Variants in FAM13A observed in about 807,000 individuals in gnomAD.
FAM13A encodes the protein family with sequence similarity 13 member A.
A neutral mutation model predicts 129.6 loss-of-function variants in FAM13A; 76 were observed. The ratio of observed to expected loss-of-function variants is 0.59; its 90% CI spans 0.49 to 0.71. FAM13A has a LOEUF of 0.71. Among genes scored for constraint, FAM13A ranks in the 30% least tolerant of loss-of-function variants. FAM13A has a pLI of 0.00. For synonymous variants in FAM13A, 443 were observed against 449.9 expected (o/e 0.98, Z 0.20); for missense variants, 1,108 against 1,249.3 (o/e 0.89, Z 1.70).
At chr4:89,047,545 T>C (rs1771023461) in intron 1 of FAM13A, among the ~76,000 whole-genome samples, 1 of 152,100 alleles carries the variant, frequency 6.6e-6, no homozygotes, top group African/African-American at 2.4e-5. Flanking sequence ...ATCAGAGATA[T>C]AAAAATTACA....
At chr4:88,867,566 A>G (rs1740662967) in intron 6 of FAM13A, among the ~76,000 whole-genome samples, 1 of 152,230 alleles carries the variant, frequency 6.6e-6, no homozygotes, top group Non-Finnish European at 1.5e-5. Flanking sequence ...AAGGACTGTT[A>G]AGTATTGACT....
At chr4:89,043,797 A>G (rs2149165153) in intron 1 of FAM13A, among the ~76,000 whole-genome samples, 1 of 152,314 alleles carries the variant, frequency 6.6e-6, no homozygotes, top group South Asian at 2.1e-4. Flanking sequence ...CATGGCCAGG[A>G]GCAGTGGCTC....
chr4:89,032,183 T>C (rs965930210), intron 1 of FAM13A, among the ~76,000 whole-genome samples: 2 of 151,734 alleles, frequency 1.3e-5, no homozygotes, highest in African/African-American at 4.8e-5. Flanking sequence ...AGGCGGAGCT[T>C]GCAGTGAGCC....
intron 7 of FAM13A, among the ~76,000 whole-genome samples, chr4:88,830,485 A>C (rs1187817477): frequency 3.3e-5 from 5 of 152,234 alleles, no homozygotes; most frequent in South Asian, 4.1e-4. Flanking sequence ...TAAAAACAAT[A>C]AAATCATCAT....
chr4:88,956,412 G>A (rs1412751281), intron 4 of FAM13A, among the ~76,000 whole-genome samples: 4 of 151,896 alleles, frequency 2.6e-5, no homozygotes, highest in African/African-American at 4.8e-5. Flanking sequence ...TATACCTCTC[G>A]GTTAATATAA....
At chr4:89,003,395 G>A (rs148708754) in intron 3 of FAM13A, among the ~76,000 whole-genome samples, 256 of 152,190 alleles carry the variant, frequency 1.7e-3, no homozygotes, top group African/African-American at 5.6e-3. Context: ...CAGATCACTT[G>A]AGTTCAGGAG....
At position 88,930,623 on chromosome 4, in the gene FAM13A, T is replaced by G. The variant is rs551241179; in HGVS notation, c.759+7465A>C. ...TTTTAGGCCCCAGAGCAGCTTACTT[T>G]AGCTTGCTGCAGCATTAGTGGGTCC... On this transcript the variant is annotated intron_variant, in intron 5 of 23. Coordinates refer to ENST00000264344, the MANE Select transcript of FAM13A (RefSeq NM_014883.4). Among the ~76,000 whole-genome samples, 17 of 152,284 alleles carry G rather than the reference T, an allele frequency of 1.1e-4. No individual in the cohort carries two copies. In the South Asian group the frequency reaches 3.5e-3, roughly 32 times the overall value.
rs773764813 is a variant in FAM13A at position 88,961,347 on chromosome 4, C to CTTTTTT, written c.606-23112_606-23107dup. 1.0e-3 allele frequency among the ~76,000 whole-genome samples: 57 copies of CTTTTTT among 55,442 alleles called. 10 individuals carry two copies. Among genetic ancestry groups the CTTTTTT allele is most frequent in the Admixed American group, 1.3e-3 (5 of 3,806 alleles). The allele number at this position is 55,442 out of a possible 152,430, so 36.4% of individuals were successfully genotyped here. ...AAATCCTCAGCTTTGTGGAATTTGC[C>CTTTTTT]TTTTTTTTTTTTTTTTTTTTTTTTT... On this transcript the variant is annotated intron_variant, in intron 4 of 23. Transcript: ENST00000264344.
chr4:88,899,058 G>A (rs1156465122), intron 6 of FAM13A, among the ~76,000 whole-genome samples: 1 of 151,130 alleles, frequency 6.6e-6, no homozygotes, highest in Non-Finnish European at 1.5e-5. Context: ...AGAAACTGTG[G>A]TGTGTGTGTG....
chr4:88,847,798 G>C (rs556609924), intron 7 of FAM13A, among the ~76,000 whole-genome samples: 3 of 152,028 alleles, frequency 2.0e-5, no homozygotes, highest in Admixed American at 6.5e-5. Context: ...TTAGCTGGGC[G>C]TGGTGGCAGC....
chr4:89,022,327 A>T (rs2039595589), intron 2 of FAM13A, among the ~76,000 whole-genome samples: 1 of 152,116 alleles, frequency 6.6e-6, no homozygotes, highest in Non-Finnish European at 1.5e-5. Context: ...CAATCCTGAG[A>T]AAAAAAATTC....
intron 14 of FAM13A, among the ~76,000 whole-genome samples, chr4:88,754,785 A>G (rs1488441417): frequency 6.6e-6 from 1 of 152,194 alleles, no homozygotes; most frequent in Non-Finnish European, 1.5e-5. Flanking sequence ...TCAATCACAA[A>G]TGTAATCCTT....
chr4:88,783,872 G>A (rs990121145), intron 10 of FAM13A, among the ~76,000 whole-genome samples: 1 of 152,016 alleles, frequency 6.6e-6, no homozygotes, highest in African/African-American at 2.4e-5. Flanking sequence ...CAGTGTGAGA[G>A]GCCTCAACAG....
At chr4:88,829,974 T>A (rs1733610910) in intron 7 of FAM13A, among the ~76,000 whole-genome samples, 1 of 152,206 alleles carries the variant, frequency 6.6e-6, no homozygotes, top group African/African-American at 2.4e-5. Context: ...ATATGGGAAA[T>A]AAAGAATCCT....
At chr4:88,994,615 G>A (rs561161281) in intron 3 of FAM13A, among the ~76,000 whole-genome samples, 3 of 152,192 alleles carry the variant, frequency 2.0e-5, no homozygotes, top group South Asian at 2.1e-4. Flanking sequence ...CAAGGTGGGC[G>A]GACTGCTTCA....
At chr4:88,778,386 A>G (rs535054314) in intron 11 of FAM13A, among the ~76,000 whole-genome samples, 12 of 152,152 alleles carry the variant, frequency 7.9e-5, no homozygotes, top group Non-Finnish European at 1.5e-4. Context: ...CATACCCCAC[A>G]TTGAATCTGT....
intron 6 of FAM13A, among the ~76,000 whole-genome samples, chr4:88,879,198 G>T (rs910426986): frequency 3.3e-5 from 5 of 152,148 alleles, no homozygotes; most frequent in African/African-American, 1.2e-4. Flanking sequence ...AACGCTGTGA[G>T]ACACAGGTTA....
intron 5 of FAM13A, among the ~76,000 whole-genome samples, chr4:88,923,724 A>G (rs1233216646): frequency 3.3e-5 from 5 of 152,166 alleles, no homozygotes; most frequent in Admixed American, 3.3e-4. Context: ...AGGAGAAGGA[A>G]ATAAAGGGTA....
At chr4:88,942,779 T>C (rs1754999271) in intron 4 of FAM13A, among the ~76,000 whole-genome samples, 1 of 152,134 alleles carries the variant, frequency 6.6e-6, no homozygotes, top group Non-Finnish European at 1.5e-5. Flanking sequence ...TTGCCTATTT[T>C]CTTTGAAAAA....
Sources: allele counts gnomAD v4.1 joint callset (sites outside exome capture counted in the v4.1 genomes callset), GRCh38; gene constraint gnomAD v4.1.1; transcripts MANE v1.5; gene names NCBI Gene and HGNC (gene_info 2026-07-23, HGNC 2026-07-21).